USP7: variants seen among roughly 807,000 people sequenced by gnomAD.
The protein encoded by USP7 is ubiquitin C-terminal hydrolase 7.
Under a neutral mutation model 162.9 loss-of-function variants are expected in USP7, and 9 were observed. The ratio of observed to expected loss-of-function variants is 0.06; its 90% CI spans 0.03 to 0.10. USP7 has a LOEUF of 0.10. USP7 is among the 10% of genes least tolerant of loss of function. USP7 has a pLI of 1.00. For missense variants in USP7, 715 were observed against 1,373.7 expected, an observed-to-expected ratio of 0.52 and a Z score of 7.58; for synonymous variants, 562 against 475.9, an observed-to-expected ratio of 1.18 and a Z score of -2.35.
intron 25 of USP7, among the ~76,000 whole-genome samples, chr16:8,897,839 T>A: frequency 6.7e-6 from 1 of 148,464 alleles, no homozygotes; most frequent in East Asian, 2.0e-4. Flanking sequence ...GTCTACGCTG[T>A]CGTGGGCTGT....
At chr16:8,955,599 G>A (rs540409637) in intron 1 of USP7, among the ~76,000 whole-genome samples, 1 of 151,602 alleles carries the variant, frequency 6.6e-6, no homozygotes, top group African/African-American at 2.4e-5. Flanking sequence ...CTGGCTACTT[G>A]GGAGGCTGAG....
intron 1 of USP7, among the ~76,000 whole-genome samples, chr16:8,935,231 C>T (rs943116887): frequency 7.0e-6 from 1 of 142,624 alleles, no homozygotes; most frequent in Non-Finnish European, 1.5e-5. Context: ...GAGACAGTCT[C>T]GTTCTGTCTC....
chr16:8,908,564 G>A, intron 11 of USP7, 114 bp from the exon 12 acceptor site: 2 of 855,836 alleles, frequency 2.3e-6, no homozygotes, highest in Admixed American at 5.6e-5. Context: ...TGGAGACAAA[G>A]GCAGGGAAGT....
rs764339209 is a variant in USP7 at position 8,895,073 on chromosome 16, G to A, written c.2997C>T (p.Val999=). The change falls in exon 28 of 31, where the codon GTC becomes GTT. Residue 999 remains valine (V), a synonymous_variant. Coordinates refer to ENST00000344836, the MANE Select transcript of USP7 (RefSeq NM_003470.3). ...LVTVAHFHKE[V]FGTFGIPFLL... ...AAAACGGGATTCCGAACGTTCCGAAGACCTCTTTGTGGAAATGCGCCACTG... is the reference window on the plus strand; with the variant it reads ...AAAACGGGATTCCGAACGTTCCGAAAACCTCTTTGTGGAAATGCGCCACTG... 1.7e-5 allele frequency: 27 copies of A among 1,614,130 alleles called. No homozygotes were observed. The Middle Eastern group carries it at 4.9e-4, about 29-fold the overall frequency.
intron 10 of USP7, among the ~76,000 whole-genome samples, chr16:8,914,920 C>A (rs143024328): frequency 6.6e-6 from 1 of 152,198 alleles, no homozygotes; most frequent in Non-Finnish European, 1.5e-5. Flanking sequence ...CAAAAAACAA[C>A]AGCGAAATAA....
Position 8,893,757 on chromosome 16 carries a change from T to C in USP7, c.*241A>G. 2.2e-6 allele frequency: 1 copy of C among 463,716 alleles called. No individual in the cohort carries two copies. The highest frequency in any genetic ancestry group is 2.2e-5 in the South Asian group (1 of 46,234). The allele number at this position is 463,716 out of a possible 1,614,324, so 28.7% of individuals were successfully genotyped here. A position where few individuals can be genotyped will look rare whatever the true frequency, so the allele number is the denominator to read the frequency against. Reference sequence around the variant, plus strand: ...TTGCGCTGACAGTTGCCTTGCACTGTGGTTACCATAAAATAACTCTCATTG... The same window carrying C: ...TTGCGCTGACAGTTGCCTTGCACTGCGGTTACCATAAAATAACTCTCATTG... On this transcript the variant is annotated 3_prime_UTR_variant, in exon 31 of 31. Transcript: ENST00000344836.
At chr16:8,904,008 T>C (rs2141177454) in intron 15 of USP7, among the ~76,000 whole-genome samples, 1 of 152,300 alleles carries the variant, frequency 6.6e-6, no homozygotes, top group South Asian at 2.1e-4. Context: ...TCAGTACTTT[T>C]TGAAGCAACC....
intron 2 of USP7, among the ~76,000 whole-genome samples, chr16:8,927,967 A>G (rs1898103432): frequency 6.6e-6 from 1 of 152,270 alleles, no homozygotes; most frequent in African/African-American, 2.4e-5. Flanking sequence ...TAACATAGTG[A>G]CATCCCATCA....
intron 29 of USP7, 65 bp downstream of exon 29, chr16:8,894,719 C>A (rs2061655596): frequency 6.2e-7 from 1 of 1,613,026 alleles, no homozygotes; most frequent in Non-Finnish European, 8.5e-7. Context: ...AAAGCCTAGG[C>A]CGCTACGCTA....
chr16:8,963,277 G>C lies in USP7; in HGVS notation c.9C>G (p.His3Gln), dbSNP rs1213557591. ...CTTTCTGCTGCTGCTGCTGCTGCTG[G>C]TGGTTCATGTCGGCCGCGGCCTGGG... Reference protein sequence around the residue: MNHQQQQQQQKAG... With the variant: MNQQQQQQQQKAG... Residue 3 changes from histidine to glutamine, a missense_variant, in exon 1 of 31, where the codon CAC becomes CAG. Physicochemically the swap from His to Gln is conservative, Grantham distance 24. Around this residue, in one of 11 missense-constraint regions of USP7, gnomAD observed 137 missense variants for 123.5 expected, o/e 1.11. Coordinates refer to ENST00000344836, the MANE Select transcript of USP7 (RefSeq NM_003470.3). The C allele has an allele frequency of 8.3e-6, 11 of 1,331,234 alleles. No individual in the cohort carries two copies. The highest frequency in any genetic ancestry group is 5.4e-5 in the Admixed American group (2 of 37,084). 82.5% of individuals were successfully genotyped at this position (1,331,234 alleles called of 1,614,324 possible). A position where few individuals can be genotyped will look rare whatever the true frequency, so the allele number is the denominator to read the frequency against.
rs2061623490 is a variant in USP7 at position 8,893,008 on chromosome 16, A to G, written c.*990T>C. 1 of 152,232 alleles carries G rather than the reference A, an allele frequency of 6.6e-6. No homozygotes were observed. The highest frequency in any genetic ancestry group is 1.5e-5 in the Non-Finnish European group (1 of 68,042). The allele number at this position is 152,232 out of a possible 1,614,324, so 9.4% of individuals were successfully genotyped here. A position where few individuals can be genotyped will look rare whatever the true frequency, so the allele number is the denominator to read the frequency against. On this transcript the variant is annotated 3_prime_UTR_variant, in exon 31 of 31. Coordinates refer to ENST00000344836, the MANE Select transcript of USP7 (RefSeq NM_003470.3). ...CTGGGACCGAAATAAAACTACACAC[A>G]ATGAATATCAACATCAGTGAAATTC... is the stretch of plus-strand genomic sequence containing the variant.
At chr16:8,897,724 A>ATACATATATATAT (rs59369679) in intron 25 of USP7, among the ~76,000 whole-genome samples, 3 of 19,444 alleles carry the variant, frequency 1.5e-4, no homozygotes, top group Non-Finnish European at 2.4e-4. Context: ...AAAAAAAAAA[A>ATACATATATATAT]AAATATATAT....
rs139195208 is a variant in USP7, at chr16:8,961,179, C to G, written c.79+2028G>C. Among the ~76,000 whole-genome samples, 4 of 152,166 alleles carry G rather than the reference C, an allele frequency of 2.6e-5. No homozygotes were observed. In the East Asian group the frequency reaches 7.7e-4, roughly 29 times the overall value. On this transcript the variant is annotated intron_variant, in intron 1 of 30. Coordinates refer to ENST00000344836, the MANE Select transcript of USP7 (RefSeq NM_003470.3). ...GGAGACTGATGAATTTCTAAAAATTCAACACCCTCTAGTCTTTTAAAAGCA... is the reference window on the plus strand; with the variant it reads ...GGAGACTGATGAATTTCTAAAAATTGAACACCCTCTAGTCTTTTAAAAGCA...
chr16:8,910,822 C>G lies in USP7; in HGVS notation c.1084G>C (p.Glu362Gln). Residue 362 changes from glutamate to glutamine, a missense_variant, in exon 11 of 31, where the codon GAA (glutamate) becomes CAA (glutamine). Transcript: ENST00000344836. ...ACTGCCACATAATCCACAAATGATT[C>G]AAATACTTTAAAGAGAGAGAGAGAA... is the stretch of plus-strand genomic sequence containing the variant. The part of the protein sequence containing the change: ...LSIKGKKNIF[E>Q]SFVDYVAVEQ... 6.2e-7 allele frequency: 1 copy of G among 1,613,670 alleles called. No homozygotes were observed. The highest frequency in any genetic ancestry group is 8.5e-7 in the Non-Finnish European group (1 of 1,179,830).
Position 8,897,016 on chromosome 16 carries a change from T to A in USP7, c.2802A>T (p.Lys934Asn), listed in dbSNP as rs557701280. 2.9e-5 allele frequency: 47 copies of A among 1,614,074 alleles called. No homozygotes were observed. In the South Asian group the frequency reaches 4.3e-4, roughly 15 times the overall value. ...ATACTTGCCTAAGTTTCCCTGATGC[T>A]TTCTCCCCAAGCTCCACGGCCTTTT... Reference protein sequence around the residue: ...ECKKAVELGEKASGKLRLLEI... With the variant: ...ECKKAVELGENASGKLRLLEI... The change falls in exon 26 of 31, where the codon AAA (lysine) becomes AAT (asparagine). Residue 934 changes from lysine (K) to asparagine (N), a missense_variant. Transcript: ENST00000344836.
intron 1 of USP7, among the ~76,000 whole-genome samples, chr16:8,934,352 G>A (rs774160483): frequency 1.3e-5 from 2 of 152,158 alleles, no homozygotes; most frequent in African/African-American, 2.4e-5. Flanking sequence ...ATTCAGATTA[G>A]AGCTCAAAGA....
At chr16:8,931,964 G>C (rs1030628727) in intron 1 of USP7, among the ~76,000 whole-genome samples, 4 of 152,288 alleles carry the variant, frequency 2.6e-5, no homozygotes, top group Middle Eastern at 3.4e-3. Context: ...TTAACAGCCA[G>C]GTAGTTGTGT....
At chr16:8,930,418 T>A in intron 1 of USP7, 21 bp from the exon 2 acceptor site, 1 of 1,578,908 alleles carries the variant, frequency 6.3e-7, no homozygotes, top group Non-Finnish European at 8.6e-7. Flanking sequence ...GAAAAAGAAA[T>A]TCCACGGGTT....
Position 8,893,598 on chromosome 16 carries a change from C to T in USP7, c.*400G>A. 5.1e-6 allele frequency: 1 copy of T among 195,908 alleles called. No individual in the cohort carries two copies. The highest frequency in any genetic ancestry group is 1.1e-5 in the Non-Finnish European group (1 of 92,048). The allele number at this position is 195,908 out of a possible 1,614,324, so 12.1% of individuals were successfully genotyped here. On this transcript the variant is annotated 3_prime_UTR_variant, in exon 31 of 31. Transcript: ENST00000344836. Reference sequence around the variant, plus strand: ...ACTGAAGGAAATAGGTCAGACGAGCCTAAACACAAGACTTGCTAGCTGCAG... The same window carrying T: ...ACTGAAGGAAATAGGTCAGACGAGCTTAAACACAAGACTTGCTAGCTGCAG...
Sources: gnomAD v4.1 joint callset for allele counts (sites outside exome capture counted in the v4.1 genomes callset) on GRCh38, gnomAD v4.1.1 for gene constraint, gnomAD v4.1.1 regional missense constraint, MANE v1.5 for transcripts, NCBI Gene and HGNC (gene_info 2026-07-23, HGNC 2026-07-21) for gene names.